Variants in CER1 observed in about 807,000 individuals in gnomAD.
The protein encoded by CER1 is cerberus.
CER1 carries 10 observed loss-of-function variants against 11.8 expected under a neutral mutation model. That is an observed-to-expected ratio of 0.85 (90% CI 0.52 to 1.44). The LOEUF (loss-of-function observed/expected upper bound fraction) is 1.44, where lower values mean the gene tolerates loss of function less well. CER1 is among the 40% of genes most tolerant of loss of function. The pLI, the probability that CER1 is intolerant of heterozygous loss-of-function variation, is 0.00. For synonymous variants in CER1, 141 were observed against 122.3 expected (o/e 1.15, Z -1.01); for missense variants, 431 against 327.0 (o/e 1.32, Z -2.45).
rs748642970 is a variant in CER1, at chr9:14,720,044, T to A, written c.*46A>T. On this transcript the variant is annotated 3_prime_UTR_variant, in exon 2 of 2. Coordinates refer to ENST00000380911, the MANE Select transcript of CER1 (RefSeq NM_005454.3). ...TTTTCAGACTGAATAATCAGCATCT[T>A]TGCTGTTGTGGTTTTGCTTTTCAAA... The A allele has an allele frequency of 2.6e-6, 4 of 1,566,576 alleles. No individual in the cohort carries two copies. The highest frequency in any genetic ancestry group is 1.7e-5 in the Admixed American group (1 of 59,538).
At chr9:14,722,072 A>AGGCTCCT (rs1474846628) in intron 1 of CER1, 94 bp downstream of exon 1, 12 of 1,389,564 alleles carry the variant, frequency 8.6e-6, no homozygotes, top group Non-Finnish European at 1.2e-5. Flanking sequence ...AGCTAGAGTC[A>AGGCTCCT]GGCTCCTGAC....
In CER1 at chr9:14,719,922, T is replaced by C. The variant is rs1340683879; in HGVS notation, c.*168A>G. 1.6e-6 allele frequency: 1 copy of C among 629,988 alleles called. No individual in the cohort carries two copies. The highest frequency in any genetic ancestry group is 2.8e-5 in the East Asian group (1 of 36,050). 39.0% of individuals were successfully genotyped at this position (629,988 alleles called of 1,614,324 possible). ...GAGCTGAGACAAGGTCTCAAACGTGTACCAATAACTAGACTAATATCATTT... is the reference window on the plus strand; with the variant it reads ...GAGCTGAGACAAGGTCTCAAACGTGCACCAATAACTAGACTAATATCATTT... On this transcript the variant is annotated 3_prime_UTR_variant, in exon 2 of 2. Transcript: ENST00000380911.
downstream of CER1, among the ~76,000 whole-genome samples, chr9:14,718,046 T>A (rs1223477099): frequency 6.6e-6 from 1 of 152,198 alleles, no homozygotes; most frequent in Non-Finnish European, 1.5e-5. Flanking sequence ...TTGCCTTTTT[T>A]GTAAGTAAAA....
In CER1 at chr9:14,722,165, C is replaced by A. The variant is rs1239039285; in HGVS notation, c.507+1G>T. 2 of 1,611,510 alleles carry A rather than the reference C, an allele frequency of 1.2e-6. No homozygotes were observed. The highest frequency in any genetic ancestry group is 8.5e-7 in the Non-Finnish European group (1 of 1,178,564). On this transcript the variant is annotated splice_donor_variant, in intron 1 of 1. Transcript: ENST00000380911. LOFTEE classifies it high-confidence loss of function. ...ACCTGCTCTCCCCCCAGAACACATA[C>A]CTGGCTGAAGGGCACTGTCCTGCAG...
chr9:14,720,387 C>G lies in CER1; in HGVS notation c.508-1G>C, dbSNP rs1360993391. The G allele has an allele frequency of 1.2e-6, 2 of 1,604,630 alleles. No individual in the cohort carries two copies. The highest frequency in any genetic ancestry group is 2.2e-5 in the South Asian group (2 of 90,844). On this transcript the variant is annotated splice_acceptor_variant, in intron 1 of 1. Transcript: ENST00000380911. LOFTEE classifies it high-confidence loss of function. The stretch of plus-strand genomic sequence containing the variant: ...TTTCACAGCCTTCGTGGGTTATAGT[C>G]TAAAAAGCAAACACATTTCCATTAC...
rs1486997861 is a variant in CER1 at position 14,722,354 on chromosome 9, G to T, written c.319C>A (p.Pro107Thr). The T allele has an allele frequency of 6.2e-7, 1 of 1,614,206 alleles. No individual in the cohort carries two copies. The highest frequency in any genetic ancestry group is 2.2e-5 in the East Asian group (1 of 44,882). Residue 107 changes from proline to threonine, a missense_variant, in exon 1 of 2, where the codon CCT becomes ACT. By Grantham distance (38) the Pro-to-Thr change is conservative. Transcript: ENST00000380911. ...SRDSDSEPFP[P>T]GTQSLIQPID... ...GGCTGGATGAGGGACTGGGTCCCAG[G>T]TGGGAAGGGCTCACTATCTGAGTCC...
chr9:14,722,187 G>T lies in CER1; in HGVS notation c.486C>A (p.Cys162Ter), dbSNP rs143804995. 8 of 1,614,084 alleles carry T rather than the reference G, an allele frequency of 5.0e-6. No homozygotes were observed. The highest frequency in any genetic ancestry group is 1.1e-5 in the South Asian group (1 of 91,050). ...IKSHEVHWET[C>*]RTVPFSQTIT... is the part of the protein sequence containing the mutation. Reference sequence around the variant, plus strand: ...ATACCTGGCTGAAGGGCACTGTCCTGCAGGTCTCCCAATGTACTTCATGGC... The same window carrying T: ...ATACCTGGCTGAAGGGCACTGTCCTTCAGGTCTCCCAATGTACTTCATGGC... The change falls in exon 1 of 2, where the codon TGC becomes TGA. Residue 162 changes from cysteine (C) to a stop codon, truncating the protein, a stop_gained. Transcript: ENST00000380911. LOFTEE classifies it high-confidence loss of function.
Position 14,720,127 on chromosome 9 carries a change from C to A in CER1, c.767G>T (p.Gly256Val). 1 of 1,614,024 alleles carries A rather than the reference C, an allele frequency of 6.2e-7. No individual in the cohort carries two copies. The highest frequency in any genetic ancestry group is 8.5e-7 in the Non-Finnish European group (1 of 1,179,948). ...TCCTGGGATAAAGGAATCCTGGGAG[C>A]CAGCATGTAGGATGTGTCCATCTTC... ...EHEDGHILHA[G>V]SQDSFIPGVS... The change falls in exon 2 of 2, where the codon GGC (glycine) becomes GTC (valine). Residue 256 changes from glycine to valine, a missense_variant. By Grantham distance (109) the Gly-to-Val change is moderately radical. Transcript: ENST00000380911.
Position 14,722,696 on chromosome 9 carries a change from T to C in CER1, c.-24A>G, listed in dbSNP as rs1380745078. On this transcript the variant is annotated 5_prime_UTR_variant, in exon 1 of 2. Transcript: ENST00000380911. ...ATGCTGTCAGGGGCCCAAGCTTCTT[T>C]TGTAAATGATGAGGCCCAAAGGAGA... The C allele has an allele frequency of 6.4e-7, 1 of 1,573,212 alleles. No individual in the cohort carries two copies. Among genetic ancestry groups the C allele is most frequent in the Non-Finnish European group, 8.5e-7 (1 of 1,170,310 alleles).
At chr9:14,718,829 A>G (rs1298189978), downstream of CER1, among the ~76,000 whole-genome samples, 1 of 152,206 alleles carries the variant, frequency 6.6e-6, no homozygotes, top group East Asian at 1.9e-4. Context: ...AAGGCTGCTT[A>G]CAGATCAGAA....
In CER1 at chr9:14,722,193, C is replaced by T. The variant is rs182549149; in HGVS notation, c.480G>A (p.Glu160=). The change falls in exon 1 of 2, where the codon GAG becomes GAA. Residue 160 remains glutamate, a synonymous_variant. Coordinates refer to ENST00000380911, the MANE Select transcript of CER1 (RefSeq NM_005454.3). ...GGCTGAAGGGCACTGTCCTGCAGGT[C>T]TCCCAATGTACTTCATGGCTTTTGA... The part of the protein sequence containing the change: ...LPIKSHEVHW[E]TCRTVPFSQT... 49 of 1,614,142 alleles carry T rather than the reference C, an allele frequency of 3.0e-5. No individual in the cohort carries two copies. The East Asian group carries it at 1.1e-3, about 36-fold the overall frequency.
rs755968012 is a variant in CER1, at chr9:14,722,415, G to T, written c.258C>A (p.Phe86Leu). ...GCATTTCTCTCTCAGGCTTCTTCCA[G>T]AACCTGCCAAATCTGGACAGCATCT... The part of the protein sequence containing the change: ...REKMLSRFGR[F>L]WKKPEREMHP... The change falls in exon 1 of 2, where the codon TTC (phenylalanine) becomes TTA (leucine). Residue 86 changes from phenylalanine to leucine, a missense_variant. Phe to Leu is a conservative substitution (Grantham distance 22). Coordinates refer to ENST00000380911, the MANE Select transcript of CER1 (RefSeq NM_005454.3). 6.2e-7 allele frequency: 1 copy of T among 1,614,166 alleles called. No individual in the cohort carries two copies. Among genetic ancestry groups the T allele is most frequent in the East Asian group, 2.2e-5 (1 of 44,876 alleles).
At chr9:14,721,633 TA>T (rs1840013418) in intron 1 of CER1, among the ~76,000 whole-genome samples, 1 of 152,172 alleles carries the variant, frequency 6.6e-6, no homozygotes, top group Non-Finnish European at 1.5e-5. Context: ...AAGTCCCTCA[TA>T]AACCTATAAA....
At chr9:14,722,077 C>A (rs1365354005) in intron 1 of CER1, 89 bp downstream of exon 1, 63 of 1,418,088 alleles carry the variant, frequency 4.4e-5, no homozygotes, top group Admixed American at 2.6e-4. Flanking sequence ...GAGTCAGGCT[C>A]CTGACAGCCT....
chr9:14,721,852 A>C (rs1448965462), intron 1 of CER1, among the ~76,000 whole-genome samples: 1 of 152,148 alleles, frequency 6.6e-6, no homozygotes, highest in African/African-American at 2.4e-5. Flanking sequence ...TCTGACTTAT[A>C]TCTCTGAGTA....
At chr9:14,720,681 A>G (rs1416920991) in intron 1 of CER1, among the ~76,000 whole-genome samples, 1 of 152,226 alleles carries the variant, frequency 6.6e-6, no homozygotes, top group African/African-American at 2.4e-5. Context: ...GTCTAATTGG[A>G]TGTGAGCGAT....
rs752928347 is a variant in CER1 at position 14,722,233 on chromosome 9, C to T, written c.440G>A (p.Gly147Glu). The T allele has an allele frequency of 6.2e-7, 1 of 1,614,194 alleles. No homozygotes were observed. The highest frequency in any genetic ancestry group is 1.1e-5 in the South Asian group (1 of 91,078). The change falls in exon 1 of 2, where the codon GGG becomes GAG. Residue 147 changes from glycine (G) to glutamate (E), a missense_variant. By Grantham distance (98) the Gly-to-Glu change is moderately conservative. Transcript: ENST00000380911. ...ATGGCTTTTGATGGGCAAGATGACC[C>T]CCTGAGAAGCCGGAGTTTTTCTGAA... ...FMFRKTPASQ[G>E]VILPIKSHEV...
In CER1 at chr9:14,720,041, T is replaced by C. The variant is rs768955849; in HGVS notation, c.*49A>G. 1.3e-6 allele frequency: 2 copies of C among 1,551,324 alleles called. No individual in the cohort carries two copies. Among genetic ancestry groups the C allele is most frequent in the Non-Finnish European group, 1.8e-6 (2 of 1,126,410 alleles). ...ACATTTTCAGACTGAATAATCAGCA[T>C]CTTTGCTGTTGTGGTTTTGCTTTTC... On this transcript the variant is annotated 3_prime_UTR_variant, in exon 2 of 2. Transcript: ENST00000380911.
downstream of CER1, among the ~76,000 whole-genome samples, chr9:14,718,617 TA>T (rs57216627): frequency 7.6e-3 from 1,163 of 152,056 alleles, 10 homozygotes; most frequent in African/African-American, 0.026. Context: ...TTGATTTATT[TA>T]AAAAAAACAG....
Sources: allele counts gnomAD v4.1 joint callset (sites outside exome capture counted in the v4.1 genomes callset), GRCh38; gene constraint gnomAD v4.1.1; transcripts MANE v1.5; gene names NCBI Gene and HGNC (gene_info 2026-07-23, HGNC 2026-07-21).